Variants in NHS observed in about 807,000 individuals in gnomAD.
NHS encodes the protein NHS actin remodeling regulator, also known as actin remodeling regulator NHS.
NHS carries 5 observed loss-of-function variants against 72.5 expected under a neutral mutation model. The observed-to-expected ratio is 0.07, with a 90% CI of 0.04 to 0.14. The LOEUF (loss-of-function observed/expected upper bound fraction) is 0.14, where lower values mean the gene tolerates loss of function less well. Among genes scored for constraint, NHS ranks in the 10% least tolerant of loss-of-function variants. NHS has a pLI of 1.00. For synonymous variants in NHS, 464 were observed against 547.7 expected, an observed-to-expected ratio of 0.85 and a Z score of 2.13; for missense variants, 1,072 against 1,355.7, an observed-to-expected ratio of 0.79 and a Z score of 3.29.
chrX:17,553,939 G>A (rs2065351157), intron 1 of NHS, among the ~76,000 whole-genome samples: 1 of 111,854 alleles, frequency 8.9e-6, no homozygotes, highest in African/African-American at 3.3e-5. Flanking sequence ...GAACTTCTGT[G>A]TGCCACCTAC....
At chrX:17,433,196 CTTTTTTTT>C (rs768285319) in intron 1 of NHS, among the ~76,000 whole-genome samples, 33 of 64,601 alleles carry the variant, frequency 5.1e-4, no homozygotes, top group African/African-American at 1.4e-3. Context: ...CGCCCGGCTA[CTTTTTTTT>C]TTTTTTTTTT....
chrX:17,670,230 A>C (rs2066035962), intron 1 of NHS, among the ~76,000 whole-genome samples: 1 of 112,613 alleles, frequency 8.9e-6, no homozygotes, highest in Non-Finnish European at 1.9e-5. Context: ...TAAAAGGCAA[A>C]TAAATGTTGT....
intron 3 of NHS, among the ~76,000 whole-genome samples, chrX:17,713,311 G>C (rs1245362354): frequency 1.8e-5 from 2 of 111,673 alleles, no homozygotes; most frequent in African/African-American, 6.5e-5. Flanking sequence ...AAGGACAAAC[G>C]AGCCCCATGG....
chrX:17,494,512 C>T (rs2065004257), intron 1 of NHS, among the ~76,000 whole-genome samples: 1 of 112,538 alleles, frequency 8.9e-6, no homozygotes, highest in African/African-American at 3.2e-5. Flanking sequence ...CCTCCCCCTT[C>T]TGTTTAATCA....
intron 1 of NHS, among the ~76,000 whole-genome samples, chrX:17,538,457 G>A (rs1014612965): frequency 8.9e-6 from 1 of 111,801 alleles, no homozygotes; most frequent in South Asian, 3.8e-4. Flanking sequence ...GCTTCGTCCT[G>A]TTGGGGACCT....
chrX:17,624,986 T>G (rs1291216438), intron 1 of NHS, among the ~76,000 whole-genome samples: 1 of 112,593 alleles, frequency 8.9e-6, no homozygotes, highest in Non-Finnish European at 1.9e-5. Flanking sequence ...ATGAGTTATA[T>G]AAATATTTAT....
chrX:17,627,884 G>T (rs2065805633), intron 1 of NHS, among the ~76,000 whole-genome samples: 1 of 112,319 alleles, frequency 8.9e-6, no homozygotes, highest in Non-Finnish European at 1.9e-5. Flanking sequence ...TTCCAGGTTG[G>T]TCCTCTCAGC....
chrX:17,539,422 A>G (rs1254936888), intron 1 of NHS, among the ~76,000 whole-genome samples: 1 of 110,135 alleles, frequency 9.1e-6, no homozygotes, highest in East Asian at 2.9e-4. Flanking sequence ...CCTTTCTTGA[A>G]TATAAGCTTC....
intron 1 of NHS, among the ~76,000 whole-genome samples, chrX:17,587,975 A>G (rs2065584285): frequency 8.9e-6 from 1 of 112,362 alleles, no homozygotes; most frequent in Non-Finnish European, 1.9e-5. Flanking sequence ...CTTCAAGGAC[A>G]GAATACCATA....
At chrX:17,381,135 G>A (rs2064376004) in intron 1 of NHS, among the ~76,000 whole-genome samples, 1 of 111,206 alleles carries the variant, frequency 9.0e-6, no homozygotes, top group Non-Finnish European at 1.9e-5. Flanking sequence ...GAGACTGATG[G>A]TCATCAATTT....
intron 1 of NHS, among the ~76,000 whole-genome samples, chrX:17,453,405 A>G (rs2064813829): frequency 8.9e-6 from 1 of 112,084 alleles, no homozygotes; most frequent in South Asian, 3.7e-4. Context: ...AAATCACAGT[A>G]GTGTTAGCTG....
At chrX:17,381,258 C>T (rs1159851988) in intron 1 of NHS, among the ~76,000 whole-genome samples, 3 of 111,598 alleles carry the variant, frequency 2.7e-5, no homozygotes, top group Non-Finnish European at 3.8e-5. Context: ...TTTTGGTTGC[C>T]GTTGATTTAT....
At chrX:17,496,091 A>G (rs890189657) in intron 1 of NHS, among the ~76,000 whole-genome samples, 1 of 111,240 alleles carries the variant, frequency 9.0e-6, no homozygotes, top group Admixed American at 9.5e-5. Context: ...CCTGCCCTCC[A>G]ATCTCCTCTG....
intron 1 of NHS, among the ~76,000 whole-genome samples, chrX:17,584,406 T>C (rs1049562674): frequency 1.8e-5 from 2 of 111,909 alleles, no homozygotes; most frequent in Non-Finnish European, 3.8e-5. Context: ...CTCCTTTTCC[T>C]CTTGCCTGCT....
chrX:17,656,436 A>C (rs1439967431), intron 1 of NHS, among the ~76,000 whole-genome samples: 1 of 110,976 alleles, frequency 9.0e-6, no homozygotes, highest in Non-Finnish European at 1.9e-5. Context: ...AATTTCTCGC[A>C]CCTCTGGGTG....
At chrX:17,408,466 A>T (rs1370766443) in intron 1 of NHS, among the ~76,000 whole-genome samples, 1 of 111,557 alleles carries the variant, frequency 9.0e-6, no homozygotes, top group Admixed American at 9.5e-5. Context: ...CCACTAGATT[A>T]TGAGTTCTTT....
At chrX:17,605,048 C>T (rs1030173749) in intron 1 of NHS, among the ~76,000 whole-genome samples, 12 of 111,837 alleles carry the variant, frequency 1.1e-4, no homozygotes, top group Admixed American at 8.5e-4. Flanking sequence ...TTAAAGACAA[C>T]ATCGTGGATA....
chrX:17,615,380 G>A (rs1294773070), intron 1 of NHS, among the ~76,000 whole-genome samples: 1 of 105,619 alleles, frequency 9.5e-6, no homozygotes, highest in East Asian at 3.0e-4. Context: ...AGCCTTCTGA[G>A]TAGCTGGGAC....
At chrX:17,508,842 C>A (rs1280838403) in intron 1 of NHS, among the ~76,000 whole-genome samples, 2 of 112,087 alleles carry the variant, frequency 1.8e-5, no homozygotes, top group Non-Finnish European at 3.8e-5. Flanking sequence ...GTGAATAGTG[C>A]CATGTGAACA....
Sources: allele counts gnomAD v4.1 joint callset (sites outside exome capture counted in the v4.1 genomes callset), GRCh38; gene constraint gnomAD v4.1.1; transcripts MANE v1.5; gene names NCBI Gene and HGNC (gene_info 2026-07-23, HGNC 2026-07-21).